PLCG2: variants seen among roughly 807,000 people sequenced by gnomAD.
The protein encoded by PLCG2 is phospholipase C gamma 2.
In PLCG2, 69 loss-of-function variants were observed where a neutral mutation model predicts 175.6. That is an observed-to-expected ratio of 0.39 (90% CI 0.32 to 0.48). PLCG2 has a LOEUF of 0.48. Ranked by LOEUF, PLCG2 falls within the 20% of genes least tolerant of loss-of-function variation. The pLI, the probability that PLCG2 is intolerant of heterozygous loss-of-function variation, is 0.91. For missense variants in PLCG2, 1,798 were observed against 1,650.9 expected, an observed-to-expected ratio of 1.09 and a Z score of -1.54; for synonymous variants, 827 against 624.0, an observed-to-expected ratio of 1.33 and a Z score of -4.85.
Position 81,946,899 on chromosome 16 carries a change from GTGAAGCAGACCCTTTGCTTA to G in PLCG2, c.3570+637_3570+656del, listed in dbSNP as rs1911173458. Among the ~76,000 whole-genome samples, 8 of 17,542 alleles carry G rather than the reference GTGAAGCAGACCCTTTGCTTA, an allele frequency of 4.6e-4. No homozygotes were observed. The South Asian group carries it at 0.023, about 51-fold the overall frequency. The allele number at this position is 17,542 out of a possible 152,430, so 11.5% of individuals were successfully genotyped here. A position where few individuals can be genotyped will look rare whatever the true frequency, so the allele number is the denominator to read the frequency against. On this transcript the variant is annotated intron_variant, in intron 31 of 32. Transcript: ENST00000564138. ...AGTGAGCATGAAGACCCTTTGCTTA[GTGAAGCAGACCCTTTGCTTA>G]GTGAAGCTTATCCCTCCCCAGCTCA...
intron 2 of PLCG2, among the ~76,000 whole-genome samples, chr16:81,820,806 A>G (rs1385320937): frequency 6.6e-6 from 1 of 151,366 alleles, no homozygotes; most frequent in Non-Finnish European, 1.5e-5. Flanking sequence ...TTTTTAGTAG[A>G]GGCAGGGTCT....
chr16:81,810,351 A>G (rs1904307183), intron 2 of PLCG2, among the ~76,000 whole-genome samples: 1 of 152,240 alleles, frequency 6.6e-6, no homozygotes, highest in South Asian at 2.1e-4. Flanking sequence ...GAGCAGCCTC[A>G]TAAGAGACCG....
chr16:81,784,550 C>G (rs967743079), intron 1 of PLCG2, among the ~76,000 whole-genome samples: 37 of 152,260 alleles, frequency 2.4e-4, no homozygotes, highest in African/African-American at 8.9e-4. Flanking sequence ...TACTCTGTAA[C>G]CTTGAGAGCT....
chr16:81,937,942 G>T, intron 28 of PLCG2, 39 bp downstream of exon 28: 1 of 1,604,590 alleles, frequency 6.2e-7, no homozygotes, highest in Non-Finnish European at 8.5e-7. Flanking sequence ...GGAGCCAGCC[G>T]CCCTCCCTGG....
rs765042969 is a variant in PLCG2, at chr16:81,786,098, A to T, written c.109A>T (p.Thr37Ser). ...GACTGTGTTCAGCTTCCGCAAGTCC[A>T]CCCCCGAGCGGAGAACCGTCCAGGT... ...VMTVFSFRKS[T>S]PERRTVQVIM... The change falls in exon 2 of 33, where the codon ACC becomes TCC. Residue 37 changes from threonine (T) to serine (S), a missense_variant. Thr to Ser is a moderately conservative substitution (Grantham distance 58). Transcript: ENST00000564138. 6.2e-7 allele frequency: 1 copy of T among 1,614,072 alleles called. No homozygotes were observed. Among genetic ancestry groups the T allele is most frequent in the Admixed American group, 1.7e-5 (1 of 60,014 alleles).
At chr16:81,780,613 C>T (rs1253527290) in intron 1 of PLCG2, among the ~76,000 whole-genome samples, 3 of 152,200 alleles carry the variant, frequency 2.0e-5, no homozygotes, top group Non-Finnish European at 2.9e-5. Flanking sequence ...GCTGCCTTCC[C>T]CCACCAGCGA....
intron 2 of PLCG2, among the ~76,000 whole-genome samples, chr16:81,825,313 G>A (rs1283326848): frequency 8.2e-6 from 1 of 121,912 alleles, no homozygotes; most frequent in East Asian, 2.4e-4. Flanking sequence ...TTTTGAGACA[G>A]AGTCTCACTC....
In PLCG2 at chr16:81,891,456, T is replaced by C. The variant is rs371818178; in HGVS notation, c.868-16T>C. 4 of 1,344,548 alleles carry C rather than the reference T, an allele frequency of 3.0e-6. No individual in the cohort carries two copies. Among genetic ancestry groups the C allele is most frequent in the Non-Finnish European group, 4.3e-6 (4 of 933,720 alleles). 83.3% of individuals were successfully genotyped at this position (1,344,548 alleles called of 1,614,324 possible). A position where few individuals can be genotyped will look rare whatever the true frequency, so the allele number is the denominator to read the frequency against. ...CGTCAACGTGATGATTCGGTCTTCG[T>C]GTTTGACTCTTTTAGTTCCTCACGT... On this transcript the variant is annotated splice_polypyrimidine_tract_variant and intron_variant, in intron 10 of 32. Coordinates refer to ENST00000564138, the MANE Select transcript of PLCG2 (RefSeq NM_002661.5).
At chr16:81,829,283 AT>A (rs1905167543) in intron 2 of PLCG2, among the ~76,000 whole-genome samples, 1 of 151,954 alleles carries the variant, frequency 6.6e-6, no homozygotes, top group South Asian at 2.1e-4. Flanking sequence ...TAATTTTTGT[AT>A]TTTTAGTAGA....
upstream of PLCG2, among the ~76,000 whole-genome samples, chr16:81,778,063 AC>A (rs1555505494): frequency 1.9e-5 from 2 of 104,828 alleles, no homozygotes; most frequent in African/African-American, 7.4e-5. Context: ...AACAAAAAAA[AC>A]CAAAAACACA....
At chr16:81,873,498 T>C (rs539943698) in intron 7 of PLCG2, among the ~76,000 whole-genome samples, 1 of 152,260 alleles carries the variant, frequency 6.6e-6, no homozygotes, top group South Asian at 2.1e-4. Context: ...TCTTATGCAA[T>C]TGACCAGGAT....
At chr16:81,948,375 C>G (rs149990947) in intron 31 of PLCG2, among the ~76,000 whole-genome samples, 3 of 151,034 alleles carry the variant, frequency 2.0e-5, no homozygotes, top group Admixed American at 1.3e-4. Context: ...CATGGGCAAA[C>G]TGGCCATTTC....
intron 2 of PLCG2, among the ~76,000 whole-genome samples, chr16:81,841,323 G>C (rs1041602096): frequency 1.3e-5 from 2 of 151,950 alleles, no homozygotes; most frequent in African/African-American, 4.8e-5. Flanking sequence ...TTCAACCTCC[G>C]TCTCCTGGGC....
chr16:81,769,362 A>G (rs1910222656), intron 2 of PLCG2, among the ~76,000 whole-genome samples: 1 of 152,202 alleles, frequency 6.6e-6, no homozygotes, highest in Non-Finnish European at 1.5e-5. Context: ...GGTGCAAGAG[A>G]ATGATAGCGG....
intron 22 of PLCG2, among the ~76,000 whole-genome samples, chr16:81,924,685 T>C (rs750325852): frequency 6.6e-6 from 1 of 152,242 alleles, no homozygotes; most frequent in African/African-American, 2.4e-5. Context: ...GAGAACCTCA[T>C]TGCAAACCAA....
intron 6 of PLCG2, among the ~76,000 whole-genome samples, chr16:81,869,756 A>G (rs1037399021): frequency 1.3e-5 from 2 of 152,094 alleles, no homozygotes; most frequent in South Asian, 2.1e-4. Context: ...CCAACCATCC[A>G]TCCTTCCATA....
intron 2 of PLCG2, among the ~76,000 whole-genome samples, chr16:81,848,459 T>C (rs564628254): frequency 7.2e-5 from 11 of 152,300 alleles, no homozygotes; most frequent in African/African-American, 2.2e-4. Context: ...TTTCATTCTT[T>C]CTTTCTTACC....
chr16:81,891,376 G>C (rs1013466566), intron 10 of PLCG2, 96 bp from the exon 11 acceptor site: 2 of 765,890 alleles, frequency 2.6e-6, no homozygotes, highest in Non-Finnish European at 4.8e-6. Flanking sequence ...CCGCATCAGA[G>C]CTGTTCTTCC....
At chr16:81,881,554 C>A (rs868089494) in intron 8 of PLCG2, among the ~76,000 whole-genome samples, 1 of 152,198 alleles carries the variant, frequency 6.6e-6, no homozygotes, top group Non-Finnish European at 1.5e-5. Flanking sequence ...TACGTTGATC[C>A]AGTCTTTATC....
Sources: gnomAD v4.1 joint callset for allele counts (sites outside exome capture counted in the v4.1 genomes callset) on GRCh38, gnomAD v4.1.1 for gene constraint, MANE v1.5 for transcripts, NCBI Gene and HGNC (gene_info 2026-07-23, HGNC 2026-07-21) for gene names.